The following GGA3 variants were observed in gnomAD, a reference collection of about 807,000 sequenced individuals.
GGA3 encodes ADP-ribosylation factor-binding protein GGA3.
Under a neutral mutation model 77.5 loss-of-function variants are expected in GGA3, and 57 were observed. That is an observed-to-expected ratio of 0.74 (90% CI 0.59 to 0.92). The LOEUF (loss-of-function observed/expected upper bound fraction) is 0.92. GGA3 is among the 40% of genes least tolerant of loss of function. The probability of loss-of-function intolerance (pLI) is 0.00; values close to 1 mark genes in which losing one functional copy is unlikely to be tolerated. For synonymous variants in GGA3, 416 were observed against 383.7 expected, an observed-to-expected ratio of 1.08 and a Z score of -0.98; for missense variants, 970 against 914.9, an observed-to-expected ratio of 1.06 and a Z score of -0.78.
intron 4 of GGA3, 52 bp downstream of exon 4, chr17:75,244,567 G>A (rs758706074): frequency 6.7e-5 from 72 of 1,070,314 alleles, no homozygotes; most frequent in Non-Finnish European, 1.1e-4. Flanking sequence ...ATGGGAGATG[G>A]GAATGAACAC....
chr17:75,239,544 G>A lies in GGA3; in HGVS notation c.1611C>T (p.Thr537=), dbSNP rs1428649271. 6.4e-7 allele frequency: 1 copy of A among 1,562,492 alleles called. No homozygotes were observed. Among genetic ancestry groups the A allele is most frequent in the East Asian group, 2.4e-5 (1 of 41,874 alleles). The change falls in exon 14 of 17, where the codon ACC becomes ACT. Residue 537 remains threonine (T), a synonymous_variant. Coordinates refer to ENST00000537686, the MANE Select transcript of GGA3 (RefSeq NM_138619.4). ...GGGTGGTGGTGGGGATGAGAGGGGA[G>A]GTAGTGGGTTTCACCAAGCCCGAGG... is the stretch of plus-strand genomic sequence containing the variant. ...KVTSGLVKPT[T]SPLIPTTTPA... is the part of the protein sequence containing the mutation.
chr17:75,249,689 T>A (rs987253122), intron 1 of GGA3, among the ~76,000 whole-genome samples: 1 of 152,208 alleles, frequency 6.6e-6, no homozygotes, highest in Non-Finnish European at 1.5e-5. Context: ...AGGGCTATTA[T>A]TTTGGGAACA....
chr17:75,261,690 C>G, upstream of GGA3: 2 of 1,247,484 alleles, frequency 1.6e-6, no homozygotes, highest in African/African-American at 1.5e-5. Context: ...AGTGCCGTCA[C>G]CGAGGGCCGC....
chr17:75,259,579 T>C (rs926671349), intron 1 of GGA3, among the ~76,000 whole-genome samples: 2 of 151,612 alleles, frequency 1.3e-5, no homozygotes, highest in African/African-American at 4.8e-5. Context: ...CAGGCAACAG[T>C]GGAATGATTT....
chr17:75,261,933 A>G, upstream of GGA3: 2 of 1,608,746 alleles, frequency 1.2e-6, no homozygotes, highest in African/African-American at 1.3e-5. Flanking sequence ...TTGCCCGAGG[A>G]TGGTCGGGCC....
chr17:75,238,154 GCC>G lies in GGA3; in HGVS notation c.*123_*124del. 6.8e-7 allele frequency: 1 copy of G among 1,469,980 alleles called. No homozygotes were observed. The highest frequency in any genetic ancestry group is 9.0e-7 in the Non-Finnish European group (1 of 1,113,700). 91.1% of individuals were successfully genotyped at this position (1,469,980 alleles called of 1,614,324 possible). ...TTGGTTCTCAGCAGAAATGCCCAGGGCCCCTGTTCCACATCAAAGCTACAAGC... is the reference window on the plus strand; with the variant it reads ...TTGGTTCTCAGCAGAAATGCCCAGGGCCTGTTCCACATCAAAGCTACAAGC... On this transcript the variant is annotated 3_prime_UTR_variant, in exon 17 of 17. Coordinates refer to ENST00000537686, the MANE Select transcript of GGA3 (RefSeq NM_138619.4).
At chr17:75,249,923 A>C (rs1394004137) in intron 1 of GGA3, among the ~76,000 whole-genome samples, 4 of 152,158 alleles carry the variant, frequency 2.6e-5, no homozygotes, top group Admixed American at 2.6e-4. Context: ...TTTCTCTAGA[A>C]TCTCACTTTC....
At chr17:75,242,750 C>T in intron 7 of GGA3, 81 bp downstream of exon 7, 1 of 1,220,330 alleles carries the variant, frequency 8.2e-7, no homozygotes, top group Non-Finnish European at 1.2e-6. Context: ...ACAAAACAGG[C>T]CCGTGTCCGG....
intron 8 of GGA3, chr17:75,242,086 G>A: frequency 1.7e-6 from 1 of 582,070 alleles, no homozygotes; most frequent in East Asian, 2.9e-5. Flanking sequence ...AGCACCGAGA[G>A]TGTGGTCTCT....
chr17:75,240,486 G>C, intron 11 of GGA3, 74 bp from the exon 12 acceptor site: 1 of 956,490 alleles, frequency 1.0e-6, no homozygotes, highest in South Asian at 1.5e-5. Context: ...TGCCTGAGGA[G>C]GGGTCAGGTG....
chr17:75,247,413 C>T (rs1157317244), intron 1 of GGA3, among the ~76,000 whole-genome samples: 1 of 152,080 alleles, frequency 6.6e-6, no homozygotes, highest in East Asian at 1.9e-4. Context: ...CAGGTGCATA[C>T]CACCATGCCC....
chr17:75,240,790 T>C (rs895439870), intron 11 of GGA3, 22 bp downstream of exon 11: 54 of 1,592,874 alleles, frequency 3.4e-5, no homozygotes, highest in Non-Finnish European at 4.4e-5. Context: ...GGGATGCCCC[T>C]GACGCCCCCT....
chr17:75,260,927 G>A (rs1028230659), intron 1 of GGA3, among the ~76,000 whole-genome samples: 1 of 152,022 alleles, frequency 6.6e-6, no homozygotes. Context: ...TGTGTGTGGG[G>A]GGGGAATTCC....
intron 1 of GGA3, among the ~76,000 whole-genome samples, chr17:75,258,005 C>T (rs181121194): frequency 2.4e-4 from 36 of 152,268 alleles, no homozygotes; most frequent in African/African-American, 6.5e-4. Context: ...CTGCCCCACC[C>T]TAACTGATCA....
At chr17:75,261,860 C>A, upstream of GGA3, 1 of 1,589,318 alleles carries the variant, frequency 6.3e-7, no homozygotes. Flanking sequence ...CGCTCAGGCG[C>A]GCCGAGGGCA....
chr17:75,253,875 C>T (rs939572710), intron 1 of GGA3, among the ~76,000 whole-genome samples: 12 of 152,096 alleles, frequency 7.9e-5, no homozygotes, highest in African/African-American at 2.9e-4. Context: ...AACTTAAAAC[C>T]TCGTCAACTC....
At chr17:75,253,854 G>C (rs1303260748) in intron 1 of GGA3, among the ~76,000 whole-genome samples, 1 of 151,960 alleles carries the variant, frequency 6.6e-6, no homozygotes, top group Non-Finnish European at 1.5e-5. Flanking sequence ...CCCTTAGCCT[G>C]TGTTCTCAAG....
At chr17:75,254,343 G>A (rs898435355) in intron 1 of GGA3, among the ~76,000 whole-genome samples, 10 of 152,122 alleles carry the variant, frequency 6.6e-5, no homozygotes, top group Non-Finnish European at 8.8e-5. Flanking sequence ...GTTTCGTTCA[G>A]TGACTGGCCC....
intron 11 of GGA3, 72 bp downstream of exon 11, chr17:75,240,740 C>A (rs910749224): frequency 2.7e-6 from 4 of 1,495,698 alleles, no homozygotes; most frequent in Non-Finnish European, 3.6e-6. Context: ...CCGCTCAGGG[C>A]TCCTAATTCC....
Sources: gnomAD v4.1 joint callset for allele counts (sites outside exome capture counted in the v4.1 genomes callset) on GRCh38, gnomAD v4.1.1 for gene constraint, MANE v1.5 for transcripts, NCBI Gene and HGNC (gene_info 2026-07-23, HGNC 2026-07-21) for gene names.